SLC25A26: variants seen among roughly 807,000 people sequenced by gnomAD.
SLC25A26 encodes solute carrier family 25 member 26.
Under a neutral mutation model 37.8 loss-of-function variants are expected in SLC25A26, and 36 were observed. The observed-to-expected ratio is 0.95, with a 90% CI of 0.73 to 1.26. The LOEUF (loss-of-function observed/expected upper bound fraction) is 1.26. Ranked by LOEUF, SLC25A26 falls within the 50% of genes most tolerant of loss-of-function variation. The probability of loss-of-function intolerance (pLI) is 0.00; values close to 1 mark genes in which losing one functional copy is unlikely to be tolerated. For missense variants in SLC25A26, 390 were observed against 331.1 expected, an observed-to-expected ratio of 1.18 and a Z score of -1.38; for synonymous variants, 129 against 122.5, an observed-to-expected ratio of 1.05 and a Z score of -0.35.
intron 5 of SLC25A26, among the ~76,000 whole-genome samples, chr3:66,302,062 C>T (rs772238973): frequency 5.3e-5 from 8 of 152,120 alleles, no homozygotes; most frequent in Non-Finnish European, 5.9e-5. Context: ...ATGATAATAT[C>T]ACTAGCAGCT....
chr3:66,370,155 T>G (rs1700267336), intron 8 of SLC25A26, among the ~76,000 whole-genome samples: 1 of 152,256 alleles, frequency 6.6e-6, no homozygotes, highest in South Asian at 2.1e-4. Flanking sequence ...TAAACGGCAC[T>G]CTATTAAATA....
intron 6 of SLC25A26, 27 bp downstream of exon 6, chr3:66,346,435 T>C (rs549616257): frequency 3.1e-6 from 4 of 1,303,762 alleles, no homozygotes; most frequent in East Asian, 5.3e-5. Context: ...TCACATAAAA[T>C]TTGTCTCTAA....
At chr3:66,277,192 G>A (rs73833441) in intron 5 of SLC25A26, among the ~76,000 whole-genome samples, 7,563 of 152,130 alleles carry the variant, frequency 0.05, 227 homozygotes, top group South Asian at 0.074. Context: ...CTCTTGAGCA[G>A]TATTGTTCCA....
chr3:66,167,214 G>C (rs1391959756), intron 1 of SLC25A26, among the ~76,000 whole-genome samples: 2 of 152,206 alleles, frequency 1.3e-5, no homozygotes, highest in Non-Finnish European at 2.9e-5. Context: ...TTGGTTCGAG[G>C]AAAGGGTACA....
chr3:66,347,767 A>C (rs1334255858), intron 6 of SLC25A26, among the ~76,000 whole-genome samples: 1 of 152,240 alleles, frequency 6.6e-6, no homozygotes, highest in Non-Finnish European at 1.5e-5. Flanking sequence ...AATGTGGTAC[A>C]TACACACCAC....
intron 5 of SLC25A26, among the ~76,000 whole-genome samples, chr3:66,311,639 A>G (rs561988122): frequency 6.7e-4 from 102 of 151,644 alleles, no homozygotes; most frequent in African/African-American, 2.2e-3. Flanking sequence ...TCTGCCTTTG[A>G]TCTTTGACGC....
intron 1 of SLC25A26, among the ~76,000 whole-genome samples, chr3:66,226,598 A>T (rs1397138048): frequency 1.3e-5 from 2 of 152,002 alleles, no homozygotes; most frequent in African/African-American, 4.8e-5. Context: ...AGAGGCATGC[A>T]CCAACCACGC....
chr3:66,193,068 T>C (rs2070976580), intron 1 of SLC25A26, among the ~76,000 whole-genome samples: 1 of 152,152 alleles, frequency 6.6e-6, no homozygotes, highest in Admixed American at 6.5e-5. Context: ...ATATATAGGA[T>C]TTTCTGTTTG....
At chr3:66,336,527 T>G (rs1306799677) in intron 5 of SLC25A26, among the ~76,000 whole-genome samples, 3 of 152,232 alleles carry the variant, frequency 2.0e-5, no homozygotes, top group African/African-American at 4.8e-5. Flanking sequence ...CCTGACCCTG[T>G]GCGAGTTCTA....
chr3:66,273,022 A>C (rs924709617), intron 5 of SLC25A26, among the ~76,000 whole-genome samples: 3 of 152,126 alleles, frequency 2.0e-5, no homozygotes, highest in African/African-American at 7.2e-5. Flanking sequence ...AATCTTGTCA[A>C]AGGCCTTTTC....
chr3:66,375,979 A>G (rs546052205), intron 9 of SLC25A26, among the ~76,000 whole-genome samples: 19 of 151,114 alleles, frequency 1.3e-4, no homozygotes, highest in Non-Finnish European at 2.7e-4. Context: ...TAGGAGGTCA[A>G]AATATTGACC....
intron 1 of SLC25A26, among the ~76,000 whole-genome samples, chr3:66,156,474 T>C (rs1173667603): frequency 2.0e-5 from 3 of 152,172 alleles, no homozygotes; most frequent in African/African-American, 7.2e-5. Context: ...GGAAGGGTTA[T>C]TTTGATTGCC....
intron 5 of SLC25A26, among the ~76,000 whole-genome samples, chr3:66,319,681 T>TA (rs2075639454): frequency 6.6e-6 from 1 of 150,440 alleles, no homozygotes. Context: ...AAAAAAATGA[T>TA]ACATCTTCAT....
chr3:66,332,007 C>T lies in SLC25A26; in HGVS notation c.454-14357C>T, dbSNP rs545890414. Among the ~76,000 whole-genome samples, 4 of 139,548 alleles carry T rather than the reference C, an allele frequency of 2.9e-5. 1 individual carries two copies. In the South Asian group the frequency reaches 8.3e-4, roughly 29 times the overall value. The allele number at this position is 139,548 out of a possible 152,430, so 91.5% of individuals were successfully genotyped here. A position where few individuals can be genotyped will look rare whatever the true frequency, so the allele number is the denominator to read the frequency against. On this transcript the variant is annotated intron_variant, in intron 5 of 9. Coordinates refer to ENST00000354883, the MANE Select transcript of SLC25A26 (RefSeq NM_001379210.1). ...AGTGCAATGGCACGATCTTGGCTCG[C>T]TGCATCCCCCGCCTCCCAGGTTCAA...
intron 6 of SLC25A26, among the ~76,000 whole-genome samples, chr3:66,357,064 C>T (rs2076593499): frequency 6.6e-6 from 1 of 152,168 alleles, no homozygotes; most frequent in African/African-American, 2.4e-5. Context: ...CGAAGTGAAA[C>T]TAAGAACATT....
chr3:66,165,937 C>T (rs1339015046), intron 1 of SLC25A26, among the ~76,000 whole-genome samples: 1 of 151,482 alleles, frequency 6.6e-6, no homozygotes, highest in Non-Finnish European at 1.5e-5. Flanking sequence ...CTCTCCCCAC[C>T]ACCCCCATCC....
intron 9 of SLC25A26, among the ~76,000 whole-genome samples, chr3:66,375,946 C>T (rs1355947732): frequency 6.6e-6 from 1 of 151,216 alleles, no homozygotes; most frequent in Non-Finnish European, 1.5e-5. Flanking sequence ...TTCTAGATAC[C>T]AGTAAGAACA....
At chr3:66,211,872 T>G (rs1444828491) in intron 1 of SLC25A26, among the ~76,000 whole-genome samples, 6 of 152,216 alleles carry the variant, frequency 3.9e-5, no homozygotes, top group African/African-American at 2.4e-5. Flanking sequence ...TAGCATTAAG[T>G]ACATTTGCTG....
rs564054274 is a variant in SLC25A26 at position 66,285,180 on chromosome 3, C to T, written c.453+21801C>T. ...ATATGCATTTTTCATATACATATTTCACAGGAGAAGAAAGGTAAAAACAGT... is the reference window on the plus strand; with the variant it reads ...ATATGCATTTTTCATATACATATTTTACAGGAGAAGAAAGGTAAAAACAGT... On this transcript the variant is annotated intron_variant, in intron 5 of 9. Coordinates refer to ENST00000354883, the MANE Select transcript of SLC25A26 (RefSeq NM_001379210.1). 8.5e-5 allele frequency among the ~76,000 whole-genome samples: 13 copies of T among 152,094 alleles called. No homozygotes were observed. In the South Asian group the frequency reaches 2.7e-3, roughly 32 times the overall value.
Sources: gnomAD v4.1 joint callset for allele counts (sites outside exome capture counted in the v4.1 genomes callset) on GRCh38, gnomAD v4.1.1 for gene constraint, MANE v1.5 for transcripts, NCBI Gene and HGNC (gene_info 2026-07-23, HGNC 2026-07-21) for gene names.